LHX6: variants seen among roughly 807,000 people sequenced by gnomAD.
LHX6 encodes the protein LIM/homeobox protein Lhx6.
LHX6 carries 15 observed loss-of-function variants against 47.1 expected under a neutral mutation model. The observed-to-expected ratio is 0.32, with a 90% CI of 0.21 to 0.49. The LOEUF (loss-of-function observed/expected upper bound fraction) is 0.49. Among genes scored for constraint, LHX6 ranks in the 20% least tolerant of loss-of-function variants. The pLI is 0.99. For synonymous variants in LHX6, 242 were observed against 233.5 expected, an observed-to-expected ratio of 1.04 and a Z score of -0.33; for missense variants, 404 against 539.6, an observed-to-expected ratio of 0.75 and a Z score of 2.49.
In LHX6 at chr9:122,217,059, G is replaced by A. The variant is rs754999550; in HGVS notation, c.682+9C>T. 6 of 1,612,780 alleles carry A rather than the reference G, an allele frequency of 3.7e-6. No homozygotes were observed. Among genetic ancestry groups the A allele is most frequent in the South Asian group, 1.1e-5 (1 of 91,064 alleles). ...GGGGCAGAGGTGCCAGGCGGAGCAGGTTGGGTACCGTTCTCGGCGGCCCTC... is the reference window on the plus strand; with the variant it reads ...GGGGCAGAGGTGCCAGGCGGAGCAGATTGGGTACCGTTCTCGGCGGCCCTC... On this transcript the variant is annotated intron_variant, in intron 5 of 9. Transcript: ENST00000394319. This position sits in a 1 kb window ranked among gnomAD's most constrained non-coding sequence, Gnocchi z 4.9.
chr9:122,217,319 C>T lies in LHX6; in HGVS notation c.462-31G>A, dbSNP rs980046836. On this transcript the variant is annotated intron_variant, in intron 4 of 9. Transcript: ENST00000394319. The surrounding 1 kb of genome is among the most constrained non-coding windows in gnomAD (Gnocchi z 4.9). ...GGTCGAGAGGACAGGCACGGGGTGT[C>T]GAGACTCAGACAGGCCAACCTTCCT... is the stretch of plus-strand genomic sequence containing the variant. 5.1e-6 allele frequency: 8 copies of T among 1,573,306 alleles called. No homozygotes were observed. In the Admixed American group the frequency reaches 5.2e-5, roughly 10 times the overall value.
At chr9:122,228,106 C>CCGCA in intron 1 of LHX6, 1 of 558,294 alleles carries the variant, frequency 1.8e-6, no homozygotes, top group South Asian at 2.1e-5. Flanking sequence ...CGGTGAGCAC[C>CCGCA]CGCCCGCCCG....
intron 1 of LHX6, 172 bp downstream of exon 1, chr9:122,228,485 G>GA: frequency 3.2e-6 from 4 of 1,262,726 alleles, no homozygotes; most frequent in Non-Finnish European, 2.0e-6. Context: ...CGCTTTCCGC[G>GA]ACCCCCCCCC....
intron 4 of LHX6, among the ~76,000 whole-genome samples, chr9:122,219,754 G>T (rs191823022): frequency 3.9e-5 from 6 of 152,148 alleles, no homozygotes; most frequent in Admixed American, 3.3e-4. Context: ...ACTCCACAGG[G>T]TATGAGGCTG....
chr9:122,212,094 A>G (rs368566038), intron 8 of LHX6, among the ~76,000 whole-genome samples: 15 of 151,570 alleles, frequency 9.9e-5, no homozygotes, highest in African/African-American at 9.8e-5. Context: ...AGAGCAGCCA[A>G]TACTTATGCG....
chr9:122,214,248 C>A lies in LHX6; in HGVS notation c.783+35G>T. The stretch of plus-strand genomic sequence containing the variant: ...TCGGCCCCGCCCACTTTCGGCCCGG[C>A]CCCCGCCCCCGCCGCCCACTGCTTG... On this transcript the variant is annotated intron_variant, in intron 6 of 9. Transcript: ENST00000394319. The surrounding 1 kb of genome is among the most constrained non-coding windows in gnomAD (Gnocchi z 4.6). 1 of 1,529,086 alleles carries A rather than the reference C, an allele frequency of 6.5e-7. No individual in the cohort carries two copies. The highest frequency in any genetic ancestry group is 8.8e-7 in the Non-Finnish European group (1 of 1,142,004). The allele number at this position is 1,529,086 out of a possible 1,614,324, so 94.7% of individuals were successfully genotyped here. A position where few individuals can be genotyped will look rare whatever the true frequency, so the allele number is the denominator to read the frequency against.
chr9:122,216,734 C>A (rs1010327409), intron 5 of LHX6, among the ~76,000 whole-genome samples: 1 of 152,138 alleles, frequency 6.6e-6, no homozygotes, highest in Non-Finnish European at 1.5e-5. Flanking sequence ...GTAGGCTGCC[C>A]GATTATGAGA....
intron 4 of LHX6, chr9:122,221,504 C>T: frequency 1.0e-6 from 1 of 985,660 alleles, no homozygotes; most frequent in South Asian, 4.7e-5. Flanking sequence ...TAGGGGCTTG[C>T]ATGAAGTCGT....
intron 4 of LHX6, among the ~76,000 whole-genome samples, chr9:122,220,299 C>T (rs963543483): frequency 3.3e-5 from 5 of 152,238 alleles, no homozygotes; most frequent in African/African-American, 1.2e-4. Context: ...TCCTGTGCTC[C>T]TCGTGGCTCA....
rs1830497558 is a variant in LHX6 at position 122,214,047 on chromosome 9, T to C, written c.806A>G (p.Gln269Arg). The C allele has an allele frequency of 1.2e-6, 2 of 1,601,194 alleles. No homozygotes were observed. The highest frequency in any genetic ancestry group is 1.3e-5 in the African/African-American group (1 of 74,700). The change falls in exon 7 of 10, where the codon CAG (glutamine) becomes CGG (arginine). Residue 269 changes from glutamine to arginine, a missense_variant. Physicochemically the swap from Gln to Arg is conservative, Grantham distance 43. Transcript: ENST00000394319. The surrounding 1 kb of genome is among the most constrained non-coding windows in gnomAD (Gnocchi z 4.6). ...CGTCTGAGCGTCGGGGTTGTTGTCC[T>C]GCGCGAACTGCGCCTGCATAACCTG... is the stretch of plus-strand genomic sequence containing the variant. ...QLQVMQAQFA[Q>R]DNNPDAQTLQ... is the part of the protein sequence containing the mutation.
At chr9:122,223,091 G>A (rs913090482) in intron 4 of LHX6, among the ~76,000 whole-genome samples, 1 of 152,232 alleles carries the variant, frequency 6.6e-6, no homozygotes, top group African/African-American at 2.4e-5. Flanking sequence ...AGCTTGGGCT[G>A]CAGTGCAGTG....
chr9:122,214,091 G>A lies in LHX6; in HGVS notation c.784-22C>T. ...TAACCTGCGGGGCGGGGAGGGCGGT[G>A]AGGCGCTCGCACGCAGAGACTCCGA... On this transcript the variant is annotated intron_variant, in intron 6 of 9. Transcript: ENST00000394319. The surrounding 1 kb of genome is among the most constrained non-coding windows in gnomAD (Gnocchi z 4.6). 2 of 1,589,090 alleles carry A rather than the reference G, an allele frequency of 1.3e-6. No homozygotes were observed. The highest frequency in any genetic ancestry group is 8.5e-7 in the Non-Finnish European group (1 of 1,172,682).
chr9:122,227,667 G>A, intron 1 of LHX6, 187 bp from the exon 2 acceptor site: 1 of 1,281,980 alleles, frequency 7.8e-7, no homozygotes, highest in Admixed American at 3.7e-5. Context: ...ATTTGAATTT[G>A]GATTGGATTT....
At chr9:122,221,453 C>G (rs1004693169) in intron 4 of LHX6, 1 of 985,448 alleles carries the variant, frequency 1.0e-6, no homozygotes, top group Non-Finnish European at 1.2e-6. Context: ...CGCTGGAGCC[C>G]GCGACAGAGC....
chr9:122,210,927 C>T (rs1830375491), intron 8 of LHX6, among the ~76,000 whole-genome samples: 1 of 152,182 alleles, frequency 6.6e-6, no homozygotes, highest in Non-Finnish European at 1.5e-5. Flanking sequence ...GAATGCAAAG[C>T]TCCACGAGGG....
chr9:122,211,770 A>G (rs1216632744), intron 8 of LHX6, among the ~76,000 whole-genome samples: 2 of 152,216 alleles, frequency 1.3e-5, no homozygotes, highest in South Asian at 2.1e-4. Context: ...GAGTCCTGGC[A>G]GGGACTCTGG....
chr9:122,214,296 G>A lies in LHX6; in HGVS notation c.770C>T (p.Ala257Val). The A allele has an allele frequency of 6.3e-7, 1 of 1,598,152 alleles. No homozygotes were observed. Among genetic ancestry groups the A allele is most frequent in the Non-Finnish European group, 8.5e-7 (1 of 1,175,356 alleles). Residue 257 changes from alanine to valine, a missense_variant, in exon 6 of 10, where the codon GCG becomes GTG. By Grantham distance (64) the Ala-to-Val change is moderately conservative (BLOSUM62 0). Transcript: ENST00000394319. This position sits in a 1 kb window ranked among gnomAD's most constrained non-coding sequence, Gnocchi z 4.6. ...TTGCAGCGGTACCTGCAGCTGTTCC[G>A]CGGTGAAGGACGTCCGCGCGCGCTT... ...PAKRARTSFT[A>V]EQLQVMQAQF...
intron 4 of LHX6, among the ~76,000 whole-genome samples, chr9:122,222,617 T>A (rs1830914652): frequency 6.6e-6 from 1 of 152,212 alleles, no homozygotes; most frequent in East Asian, 1.9e-4. Context: ...GACCTCCATG[T>A]CTTCTCTAAG....
intron 4 of LHX6, among the ~76,000 whole-genome samples, chr9:122,220,896 C>T (rs182010144): frequency 6.6e-6 from 1 of 152,334 alleles, no homozygotes; most frequent in African/African-American, 2.4e-5. Context: ...ATGCTGGATA[C>T]CTAGTAAGCG....
Sources: gnomAD v4.1 joint callset for allele counts (sites outside exome capture counted in the v4.1 genomes callset) on GRCh38, gnomAD v4.1.1 for gene constraint, Gnocchi (gnomAD v3.1) non-coding constraint, MANE v1.5 for transcripts, NCBI Gene and HGNC (gene_info 2026-07-23, HGNC 2026-07-21) for gene names.